TCF7L2: variants seen among roughly 807,000 people sequenced by gnomAD.
TCF7L2 encodes transcription factor 7-like 2.
Under a neutral mutation model 77.9 loss-of-function variants are expected in TCF7L2, and 23 were observed. The observed-to-expected ratio is 0.30, with a 90% CI of 0.21 to 0.42. The LOEUF (loss-of-function observed/expected upper bound fraction) is 0.42, where lower values mean the gene tolerates loss of function less well. Among genes scored for constraint, TCF7L2 ranks in the 10% least tolerant of loss-of-function variants. The pLI is 1.00. For missense variants in TCF7L2, 654 were observed against 793.1 expected, an observed-to-expected ratio of 0.82 and a Z score of 2.11; for synonymous variants, 413 against 340.2, an observed-to-expected ratio of 1.21 and a Z score of -2.36.
At chr10:113,006,433 AT>A (rs906649428) in intron 4 of TCF7L2, among the ~76,000 whole-genome samples, 38 of 151,636 alleles carry the variant, frequency 2.5e-4, no homozygotes, top group African/African-American at 7.3e-4. Flanking sequence ...CCAGTGATGG[AT>A]TTTTTTTTCT....
chr10:113,157,766 G>A (rs913175664), intron 11 of TCF7L2: 1 of 433,890 alleles, frequency 2.3e-6, no homozygotes, highest in Non-Finnish European at 4.3e-6. Flanking sequence ...ATAGGTACAT[G>A]AGAAATGAGA....
At chr10:113,081,568 C>T (rs2059319483) in intron 5 of TCF7L2, among the ~76,000 whole-genome samples, 1 of 152,180 alleles carries the variant, frequency 6.6e-6, no homozygotes, top group Admixed American at 6.5e-5. Context: ...GTTTTTCATG[C>T]TTGCTCGCTA....
At chr10:112,967,633 A>G (rs1487634551) in intron 4 of TCF7L2, among the ~76,000 whole-genome samples, 1 of 140,908 alleles carries the variant, frequency 7.1e-6, no homozygotes, top group Non-Finnish European at 1.5e-5. Flanking sequence ...AGAAAATTAA[A>G]AGTTTTTTTT....
Position 113,129,537 on chromosome 10 carries a change from T to TA in TCF7L2, c.553-11647_553-11646insA. 3.0e-6 allele frequency: 3 copies of TA among 1,014,740 alleles called. No homozygotes were observed. The South Asian group carries it at 1.1e-4, about 38-fold the overall frequency. 62.9% of individuals were successfully genotyped at this position (1,014,740 alleles called of 1,614,324 possible). On this transcript the variant is annotated intron_variant, in intron 5 of 13. Transcript: ENST00000627217. ...AATCTGCAACCAGCTGAACTCTAGA[T>TA]TATTAGTGGACTTTTTTGTTTTTTA...
At chr10:113,156,225 C>T (rs970520380) in intron 11 of TCF7L2, among the ~76,000 whole-genome samples, 1 of 151,704 alleles carries the variant, frequency 6.6e-6, no homozygotes, top group African/African-American at 2.4e-5. Context: ...AGTGATCCTC[C>T]TGTCTCAGCC....
At chr10:112,955,921 T>TC (rs777969781) in intron 3 of TCF7L2, among the ~76,000 whole-genome samples, 4 of 151,970 alleles carry the variant, frequency 2.6e-5, no homozygotes, top group Non-Finnish European at 5.9e-5. Context: ...TAGAAGTCTT[T>TC]CCAGGTTTCG....
intron 5 of TCF7L2, chr10:113,129,534 A>G (rs2066218530): frequency 9.9e-7 from 1 of 1,014,582 alleles, no homozygotes; most frequent in Non-Finnish European, 1.2e-6. Context: ...GCTGAACTCT[A>G]GATTATTAGT....
rs186570739 is a variant in TCF7L2 at position 113,134,793 on chromosome 10, G to T, written c.553-6391G>T. The stretch of plus-strand genomic sequence containing the variant: ...TGATGCTGATTTCAGCCCCTGGGAG[G>T]GCTGGTAAGTGAAGACCCCCAAAGA... On this transcript the variant is annotated intron_variant, in intron 5 of 13. Transcript: ENST00000627217. 2.6e-4 allele frequency among the ~76,000 whole-genome samples: 39 copies of T among 152,298 alleles called. No homozygotes were observed. The East Asian group carries it at 7.5e-3, about 29-fold the overall frequency.
At chr10:113,163,991 A>G (rs914702151) in intron 13 of TCF7L2, among the ~76,000 whole-genome samples, 30 of 152,336 alleles carry the variant, frequency 2.0e-4, no homozygotes, top group Non-Finnish European at 5.9e-5. Context: ...TCAAGCAGGC[A>G]GCATCTTGGT....
At chr10:113,111,801 A>AAAT (rs1555075769) in intron 5 of TCF7L2, among the ~76,000 whole-genome samples, 5,525 of 150,436 alleles carry the variant, frequency 0.037, 149 homozygotes, top group Non-Finnish European at 0.055. Context: ...TTAAATAAAT[A>AAAT]AAATAAATAA....
intron 3 of TCF7L2, among the ~76,000 whole-genome samples, chr10:112,952,976 G>T (rs533974222): frequency 6.6e-6 from 1 of 152,018 alleles, no homozygotes; most frequent in Admixed American, 6.5e-5. Flanking sequence ...CTCCAGTTTG[G>T]TCCCCTACCC....
intron 4 of TCF7L2, among the ~76,000 whole-genome samples, chr10:113,001,669 T>G (rs2133357597): frequency 6.6e-6 from 1 of 152,268 alleles, no homozygotes; most frequent in East Asian, 1.9e-4. Context: ...GTGACCCCCC[T>G]ATCATGCCCC....
At chr10:113,115,610 C>G (rs1487336191) in intron 5 of TCF7L2, among the ~76,000 whole-genome samples, 1 of 151,992 alleles carries the variant, frequency 6.6e-6, no homozygotes, top group East Asian at 1.9e-4. Context: ...TTGTGTTTTT[C>G]CCCCCACCAA....
chr10:112,952,740 C>T (rs1294310139), intron 3 of TCF7L2, among the ~76,000 whole-genome samples: 2 of 151,984 alleles, frequency 1.3e-5, no homozygotes, highest in African/African-American at 4.8e-5. Context: ...CAGGGCAGCG[C>T]GGGGTGCCGG....
At chr10:113,155,293 C>A (rs2071622741) in intron 11 of TCF7L2, among the ~76,000 whole-genome samples, 1 of 152,080 alleles carries the variant, frequency 6.6e-6, no homozygotes, top group South Asian at 2.1e-4. Flanking sequence ...TCCTTTTTAA[C>A]CCTCTACACT....
At chr10:112,998,524 T>C (rs2043909912) in intron 4 of TCF7L2, among the ~76,000 whole-genome samples, 1 of 152,232 alleles carries the variant, frequency 6.6e-6, no homozygotes, top group African/African-American at 2.4e-5. Context: ...ATGGGCTTTC[T>C]CTGCCTCAAA....
rs1324061920 is a variant in TCF7L2, at chr10:113,151,216, G to T, written c.1001+93G>T. 5.7e-6 allele frequency: 9 copies of T among 1,573,756 alleles called. No homozygotes were observed. The highest frequency in any genetic ancestry group is 2.7e-5 in the African/African-American group (2 of 74,300). ...GGTGGTGGCTTTCTGCCTAAGGTTG[G>T]CCTCGTTTGGTTTGACTGCAGCCAA... On this transcript the variant is annotated intron_variant, in intron 9 of 13. Transcript: ENST00000627217. The surrounding 1 kb of genome is among the most constrained non-coding windows in gnomAD (Gnocchi z 5.2).
Position 112,951,281 on chromosome 10 carries a change from C to T in TCF7L2, c.256+8C>T, listed in dbSNP as rs1307607100. 2 of 1,387,136 alleles carry T rather than the reference C, an allele frequency of 1.4e-6. No homozygotes were observed. The highest frequency in any genetic ancestry group is 2.5e-5 in the Admixed American group (1 of 39,302). The allele number at this position is 1,387,136 out of a possible 1,614,324, so 85.9% of individuals were successfully genotyped here. ...GGGAAAGTTTGGAAGAAGGTGAGTA[C>T]GCCCCGCGCGCCCCGCAGCCGCCCG... On this transcript the variant is annotated splice_region_variant and intron_variant, in intron 2 of 13. Transcript: ENST00000627217.
At chr10:113,002,900 A>G (rs1486003076) in intron 4 of TCF7L2, among the ~76,000 whole-genome samples, 1 of 152,236 alleles carries the variant, frequency 6.6e-6, no homozygotes, top group Non-Finnish European at 1.5e-5. Context: ...ACAATTTCAT[A>G]TGTCAATACA....
Sources: gnomAD v4.1 joint callset for allele counts (sites outside exome capture counted in the v4.1 genomes callset) on GRCh38, gnomAD v4.1.1 for gene constraint, Gnocchi (gnomAD v3.1) non-coding constraint, MANE v1.5 for transcripts, NCBI Gene and HGNC (gene_info 2026-07-23, HGNC 2026-07-21) for gene names.